The following CCAR1 variants were observed in gnomAD, a reference collection of about 807,000 sequenced individuals.
CCAR1 encodes the protein cell division cycle and apoptosis regulator 1, also known as cell division cycle and apoptosis regulator protein 1.
A neutral mutation model predicts 163.8 loss-of-function variants in CCAR1; 78 were observed. The ratio of observed to expected loss-of-function variants is 0.48; its 90% CI spans 0.40 to 0.57. The LOEUF is 0.57. Among genes scored for constraint, CCAR1 ranks in the 20% least tolerant of loss-of-function variants. CCAR1 has a pLI of 0.00. For synonymous variants in CCAR1, 443 were observed against 460.7 expected (o/e 0.96, Z 0.49); for missense variants, 1,019 against 1,365.2 (o/e 0.75, Z 4.00).
chr10:68,721,414 T>A (rs1275505628), intron 1 of CCAR1, 132 bp downstream of exon 1: 1 of 290,482 alleles, frequency 3.4e-6, no homozygotes, highest in Non-Finnish European at 6.8e-6. Context: ...ACGGTGGGGC[T>A]CTTGTGGGAC....
At chr10:68,730,586 T>TC in intron 2 of CCAR1, among the ~76,000 whole-genome samples, 2 of 152,018 alleles carry the variant, frequency 1.3e-5, no homozygotes, top group Non-Finnish European at 2.9e-5. Context: ...TCTGCCCGCC[T>TC]CAGTCTCCCA....
intron 3 of CCAR1, among the ~76,000 whole-genome samples, chr10:68,737,614 A>G (rs954761628): frequency 1.1e-4 from 16 of 151,974 alleles, no homozygotes; most frequent in Non-Finnish European, 2.4e-4. Flanking sequence ...ATCCCGGAGT[A>G]TAAGTAATCA....
In CCAR1 at chr10:68,755,550, C is replaced by T. The variant is rs749097638; in HGVS notation, c.1625+14C>T. 1.4e-5 allele frequency: 23 copies of T among 1,597,516 alleles called. No homozygotes were observed. The African/African-American group carries it at 2.7e-4, about 19-fold the overall frequency. ...GTGCACACAATGGTAAGTACTAATTCATTTCTTGATTAGAAGTGTTTTACT... is the reference window on the plus strand; with the variant it reads ...GTGCACACAATGGTAAGTACTAATTTATTTCTTGATTAGAAGTGTTTTACT... On this transcript the variant is annotated intron_variant, in intron 13 of 24. Transcript: ENST00000265872.
At chr10:68,750,868 A>G (rs1168523099) in intron 10 of CCAR1, among the ~76,000 whole-genome samples, 1 of 152,182 alleles carries the variant, frequency 6.6e-6, no homozygotes, top group East Asian at 1.9e-4. Context: ...AGAGGTCAAA[A>G]TTTCCAGATA....
At chr10:68,760,956 C>A (rs200035050) in intron 15 of CCAR1, 51 bp from the exon 16 acceptor site, 2 of 668,200 alleles carry the variant, frequency 3.0e-6, no homozygotes, top group Non-Finnish European at 4.6e-6. Context: ...CGCTGCCCCC[C>A]GCCCCCCGCC....
intron 19 of CCAR1, among the ~76,000 whole-genome samples, chr10:68,781,002 C>G (rs1351518487): frequency 4.0e-5 from 6 of 151,360 alleles, no homozygotes; most frequent in Admixed American, 4.0e-4. Context: ...GAGGCTGAGG[C>G]GGGTGGATCA....
In CCAR1 at chr10:68,771,407, G is replaced by T. The variant is rs367944680; in HGVS notation, c.2500G>T (p.Asp834Tyr). ...EPKPKRRKSG[D>Y]DKDKKEDRDE... ...AAAACCCAAACGGAGAAAATCAGGC[G>T]ATGATAAAGATAAAAAAGAAGATAG... Residue 834 changes from aspartate (D) to tyrosine (Y), a missense_variant, in exon 18 of 25, where the codon GAT becomes TAT. Asp to Tyr is a radical substitution (Grantham distance 160, BLOSUM62 -3). Transcript: ENST00000265872. 1 of 1,583,738 alleles carries T rather than the reference G, an allele frequency of 6.3e-7. No individual in the cohort carries two copies. Among genetic ancestry groups the T allele is most frequent in the Admixed American group, 1.9e-5 (1 of 53,948 alleles).
intron 10 of CCAR1, among the ~76,000 whole-genome samples, chr10:68,753,067 A>G (rs1564538942): frequency 2.3e-5 from 1 of 42,990 alleles, no homozygotes; most frequent in East Asian, 5.2e-4. Context: ...CTGCATGTAG[A>G]TTACTTCATC....
intron 19 of CCAR1, among the ~76,000 whole-genome samples, chr10:68,779,697 G>A (rs1267420096): frequency 2.0e-5 from 3 of 152,138 alleles, no homozygotes; most frequent in Non-Finnish European, 4.4e-5. Context: ...ACAGAAATTT[G>A]GAAATGTGAA....
In CCAR1 at chr10:68,747,194, C is replaced by T; in HGVS notation, c.552C>T (p.Asp184=). 6.2e-7 allele frequency: 1 copy of T among 1,603,700 alleles called. No individual in the cohort carries two copies. The highest frequency in any genetic ancestry group is 1.3e-5 in the African/African-American group (1 of 74,126). ...AVKGKTPQVG[D]RVLVEATYNP... ...AAGGGAAAACCCCCCAAGTAGGTGA[C>T]AGAGTATTGGTTGAAGCTACTTATA... The change falls in exon 7 of 25, where the codon GAC becomes GAT. Residue 184 remains aspartate (D), a synonymous_variant. Coordinates refer to ENST00000265872, the MANE Select transcript of CCAR1 (RefSeq NM_018237.4).
intron 19 of CCAR1, among the ~76,000 whole-genome samples, chr10:68,777,309 T>C (rs950379646): frequency 6.6e-6 from 1 of 152,202 alleles, no homozygotes; most frequent in African/African-American, 2.4e-5. Flanking sequence ...AGAATGATCT[T>C]CGCAAAATTT....
At chr10:68,785,563 G>C (rs966078899) in intron 19 of CCAR1, among the ~76,000 whole-genome samples, 8 of 152,120 alleles carry the variant, frequency 5.3e-5, no homozygotes, top group African/African-American at 1.4e-4. Flanking sequence ...AAATTTGTTT[G>C]ACTAGCTTTA....
chr10:68,774,132 T>A (rs756067607), intron 19 of CCAR1, among the ~76,000 whole-genome samples: 23 of 152,012 alleles, frequency 1.5e-4, no homozygotes, highest in Middle Eastern at 6.8e-3. Flanking sequence ...CCTCAGGTGA[T>A]CCACCTACCT....
intron 16 of CCAR1, among the ~76,000 whole-genome samples, chr10:68,764,887 A>G (rs1398750308): frequency 6.6e-6 from 1 of 152,154 alleles, no homozygotes; most frequent in South Asian, 2.1e-4. Context: ...ATCTACAGGG[A>G]TGTAATTCTG....
rs758099346 is a variant in CCAR1 at position 68,747,361 on chromosome 10, T to G, written c.634-13T>G. 6.2e-7 allele frequency: 1 copy of G among 1,605,238 alleles called. No individual in the cohort carries two copies. The highest frequency in any genetic ancestry group is 1.1e-5 in the South Asian group (1 of 89,384). On this transcript the variant is annotated splice_polypyrimidine_tract_variant and intron_variant, in intron 7 of 24. Transcript: ENST00000265872. ...AAGATTTTTTTTCTTATTCTTTCAT[T>G]TTTTAATTGAAGAATCAGTCGCAAA...
intron 2 of CCAR1, among the ~76,000 whole-genome samples, chr10:68,733,648 A>C (rs2056070008): frequency 6.6e-6 from 1 of 151,952 alleles, no homozygotes; most frequent in African/African-American, 2.4e-5. Flanking sequence ...TATTATAATA[A>C]GAATTTTTAA....
At chr10:68,754,227 A>G in intron 11 of CCAR1, 150 bp downstream of exon 11, 1 of 546,040 alleles carries the variant, frequency 1.8e-6, no homozygotes, top group Non-Finnish European at 3.2e-6. Context: ...TGGTTACATA[A>G]TTTAATTTAA....
chr10:68,786,014 C>A, intron 19 of CCAR1, 122 bp from the exon 20 acceptor site: 1 of 654,380 alleles, frequency 1.5e-6, no homozygotes, highest in Non-Finnish European at 2.8e-6. Context: ...ATAGTCATAG[C>A]TCACTACACC....
At chr10:68,731,085 G>A (rs2056031848) in intron 2 of CCAR1, among the ~76,000 whole-genome samples, 1 of 152,206 alleles carries the variant, frequency 6.6e-6, no homozygotes, top group African/African-American at 2.4e-5. Flanking sequence ...TATCTATTGT[G>A]ATTGTGGTAT....
Sources: gnomAD v4.1 joint callset for allele counts (sites outside exome capture counted in the v4.1 genomes callset) on GRCh38, gnomAD v4.1.1 for gene constraint, MANE v1.5 for transcripts, NCBI Gene and HGNC (gene_info 2026-07-23, HGNC 2026-07-21) for gene names.